Variants in GRIK3 observed in about 807,000 individuals in gnomAD.
GRIK3 encodes glutamate receptor ionotropic, kainate 3.
GRIK3 carries 29 observed loss-of-function variants against 102.5 expected under a neutral mutation model. That is an observed-to-expected ratio of 0.28 (90% confidence interval 0.21 to 0.39). GRIK3 has a LOEUF of 0.39. Ranked by LOEUF, GRIK3 falls within the 10% of genes least tolerant of loss-of-function variation. The probability of loss-of-function intolerance (pLI) is 1.00; values close to 1 mark genes in which losing one functional copy is unlikely to be tolerated. For missense variants in GRIK3, 908 were observed against 1,252.4 expected (o/e 0.73, Z 4.15); for synonymous variants, 511 against 504.9 (o/e 1.01, Z -0.16).
rs186220430 is a variant in GRIK3, at chr1:37,009,978, C to T, written c.115+24016G>A. ...TGGGCCAGCTGAGCAGGGGAGGCCT[C>T]GGCACCAACACAGACACCTAGAAAG... On this transcript the variant is annotated intron_variant, in intron 1 of 15. Coordinates refer to ENST00000373091, the MANE Select transcript of GRIK3 (RefSeq NM_000831.4). Among the ~76,000 whole-genome samples, 74 of 152,100 alleles carry T rather than the reference C, an allele frequency of 4.9e-4. No homozygotes were observed. In the Middle Eastern group the frequency reaches 0.01, roughly 21 times the overall value.
chr1:36,845,205 A>C (rs1640506429), intron 9 of GRIK3, among the ~76,000 whole-genome samples: 1 of 152,178 alleles, frequency 6.6e-6, no homozygotes, highest in East Asian at 1.9e-4. Flanking sequence ...ACTATTTCAC[A>C]ATTTATTACT....
intron 1 of GRIK3, among the ~76,000 whole-genome samples, chr1:36,985,736 C>A (rs568027263): frequency 6.6e-6 from 1 of 152,288 alleles, no homozygotes; most frequent in African/African-American, 2.4e-5. Context: ...AGGCTATGCC[C>A]TAAGCTGCTG....
rs1020166793 is a variant in GRIK3, at chr1:36,880,351, G to T, written c.550+283C>A. ...TGCAGATGTGTGTGCTGCTGCTAGG[G>T]TGGGTGTTCAGTGCAGATTTGAACA... On this transcript the variant is annotated intron_variant, in intron 3 of 15. Coordinates refer to ENST00000373091, the MANE Select transcript of GRIK3 (RefSeq NM_000831.4). The surrounding 1 kb of genome is among the most constrained non-coding windows in gnomAD (Gnocchi z 5.4). Among the ~76,000 whole-genome samples, 2 of 152,230 alleles carry T rather than the reference G, an allele frequency of 1.3e-5. No homozygotes were observed. Among genetic ancestry groups the T allele is most frequent in the African/African-American group, 4.8e-5 (2 of 41,454 alleles).
chr1:36,828,731 C>G (rs1570747536), intron 10 of GRIK3, among the ~76,000 whole-genome samples: 1 of 152,202 alleles, frequency 6.6e-6, no homozygotes, highest in Admixed American at 6.5e-5. Context: ...GAACTGGTCT[C>G]TGGAAATGGA....
Position 37,027,446 on chromosome 1 carries a change from C to T in GRIK3, c.115+6548G>A, listed in dbSNP as rs181849709. 2.6e-5 allele frequency among the ~76,000 whole-genome samples: 4 copies of T among 152,150 alleles called. No homozygotes were observed. The East Asian group carries it at 7.7e-4, about 29-fold the overall frequency. On this transcript the variant is annotated intron_variant, in intron 1 of 15. Coordinates refer to ENST00000373091, the MANE Select transcript of GRIK3 (RefSeq NM_000831.4). ...AGCAAATTCAGATGCTGGGTCAGGGCCAGGATTTAAGGAGGCACCCCCTCT... is the reference window on the plus strand; with the variant it reads ...AGCAAATTCAGATGCTGGGTCAGGGTCAGGATTTAAGGAGGCACCCCCTCT...
chr1:36,814,761 A>G (rs991174838), intron 13 of GRIK3, among the ~76,000 whole-genome samples: 16 of 152,024 alleles, frequency 1.1e-4, no homozygotes, highest in Admixed American at 5.9e-4. Context: ...TCTGCCCTCC[A>G]CTTATCTAGA....
intron 1 of GRIK3, among the ~76,000 whole-genome samples, chr1:36,909,833 T>C (rs2124293885): frequency 6.6e-6 from 1 of 152,336 alleles, no homozygotes. Context: ...TACTATGATA[T>C]GTTGTTATAT....
At chr1:36,841,105 C>G (rs1640444077) in intron 10 of GRIK3, among the ~76,000 whole-genome samples, 1 of 152,150 alleles carries the variant, frequency 6.6e-6, no homozygotes, top group East Asian at 1.9e-4. Flanking sequence ...TGTGGCTTCT[C>G]CCTCTTCCTC....
At chr1:37,024,742 CAAAAAA>C (rs11314211) in intron 1 of GRIK3, among the ~76,000 whole-genome samples, 54 of 71,032 alleles carry the variant, frequency 7.6e-4, no homozygotes, top group African/African-American at 2.6e-3. Flanking sequence ...GACTCCATCT[CAAAAAA>C]AAAAAAAAAA....
At chr1:36,839,659 C>G (rs988078766) in intron 10 of GRIK3, among the ~76,000 whole-genome samples, 5 of 152,192 alleles carry the variant, frequency 3.3e-5, no homozygotes, top group Non-Finnish European at 5.9e-5. Flanking sequence ...TATCTTTTCC[C>G]TTTTACAGAT....
chr1:36,830,911 G>A (rs1640278993), intron 10 of GRIK3, among the ~76,000 whole-genome samples: 1 of 150,828 alleles, frequency 6.6e-6, no homozygotes, highest in Non-Finnish European at 1.5e-5. Flanking sequence ...GCAGATACAA[G>A]CCAGAAGCAC....
rs1417116658 is a variant in GRIK3, at chr1:36,800,055, C to T, written c.*1796G>A. On this transcript the variant is annotated 3_prime_UTR_variant, in exon 16 of 16. Transcript: ENST00000373091. ...GAGCTGCTAGGATTCTGGGAACCTGCTGGTTTGGTCCTGCAGCTCACAGTC... is the reference window on the plus strand; with the variant it reads ...GAGCTGCTAGGATTCTGGGAACCTGTTGGTTTGGTCCTGCAGCTCACAGTC... The T allele has an allele frequency of 6.6e-6, 1 of 152,234 alleles. No individual in the cohort carries two copies. The highest frequency in any genetic ancestry group is 2.4e-5 in the African/African-American group (1 of 41,448). The allele number at this position is 152,234 out of a possible 1,614,324, so 9.4% of individuals were successfully genotyped here.
At chr1:36,948,840 T>C (rs1641812023) in intron 1 of GRIK3, among the ~76,000 whole-genome samples, 1 of 152,098 alleles carries the variant, frequency 6.6e-6, no homozygotes, top group Non-Finnish European at 1.5e-5. Context: ...GCAGGAGCTA[T>C]TCTAAAAATA....
chr1:36,894,948 T>G (rs1324812326), intron 1 of GRIK3, among the ~76,000 whole-genome samples: 1 of 152,234 alleles, frequency 6.6e-6, no homozygotes, highest in East Asian at 1.9e-4. Flanking sequence ...GAGCCTAACC[T>G]GCTGGGGTTT....
intron 12 of GRIK3, 58 bp from the exon 13 acceptor site, chr1:36,817,335 G>T: frequency 2.6e-6 from 3 of 1,140,514 alleles, no homozygotes; most frequent in Non-Finnish European, 2.7e-6. Context: ...CGCTGCTCAA[G>T]TCCCCTGGGT....
At chr1:37,001,886 GGGACCTCTA>G (rs150790561) in intron 1 of GRIK3, among the ~76,000 whole-genome samples, 33,004 of 151,994 alleles carry the variant, frequency 0.22, 3,837 homozygotes, top group Non-Finnish European at 0.26. Flanking sequence ...CTTACCACTG[GGGACCTCTA>G]GGAGACAATG....
At chr1:36,950,118 G>T (rs1641829048) in intron 1 of GRIK3, among the ~76,000 whole-genome samples, 1 of 152,094 alleles carries the variant, frequency 6.6e-6, no homozygotes, top group Admixed American at 6.6e-5. Flanking sequence ...ACATACACAT[G>T]ATCTCATTTT....
At chr1:36,987,758 A>G (rs887892203) in intron 1 of GRIK3, among the ~76,000 whole-genome samples, 3 of 152,134 alleles carry the variant, frequency 2.0e-5, no homozygotes, top group African/African-American at 7.2e-5. Flanking sequence ...CACCGACAAT[A>G]GCAGGAAGGT....
At chr1:36,830,810 C>CAA (rs948901521) in intron 10 of GRIK3, among the ~76,000 whole-genome samples, 34 of 41,306 alleles carry the variant, frequency 8.2e-4, no homozygotes, top group South Asian at 2.9e-3. Context: ...GACTCTGTCT[C>CAA]AAAAAAAAAA....
Sources: allele counts gnomAD v4.1 joint callset (sites outside exome capture counted in the v4.1 genomes callset), GRCh38; gene constraint gnomAD v4.1.1; non-coding constraint Gnocchi (gnomAD v3.1); transcripts MANE v1.5; gene names NCBI Gene and HGNC (gene_info 2026-07-23, HGNC 2026-07-21).